CLSTN2: variants seen among roughly 807,000 people sequenced by gnomAD.
CLSTN2 encodes the protein calsyntenin-2.
A neutral mutation model predicts 101.2 loss-of-function variants in CLSTN2; 48 were observed. The observed-to-expected ratio is 0.47, with a 90% CI of 0.38 to 0.60. The LOEUF is 0.60. Among genes scored for constraint, CLSTN2 ranks in the 20% least tolerant of loss-of-function variants. CLSTN2 has a pLI of 0.00. For synonymous variants in CLSTN2, 481 were observed against 463.6 expected (o/e 1.04, Z -0.48); for missense variants, 1,160 against 1,238.2 (o/e 0.94, Z 0.95).
At chr3:140,486,535 C>T (rs73231228) in intron 8 of CLSTN2, among the ~76,000 whole-genome samples, 12,083 of 152,174 alleles carry the variant, frequency 0.079, 636 homozygotes, top group Non-Finnish European at 0.11. Context: ...TGTGATAAGA[C>T]AAAGATGCAT....
chr3:140,134,020 G>A (rs1390656014), intron 1 of CLSTN2, among the ~76,000 whole-genome samples: 1 of 152,150 alleles, frequency 6.6e-6, no homozygotes, highest in Non-Finnish European at 1.5e-5. Flanking sequence ...TTTGGACCTT[G>A]AGAAGTCAGA....
At chr3:140,249,635 T>C (rs1030943715) in intron 2 of CLSTN2, among the ~76,000 whole-genome samples, 1 of 152,214 alleles carries the variant, frequency 6.6e-6, no homozygotes, top group Non-Finnish European at 1.5e-5. Flanking sequence ...ATTTTACAGA[T>C]GAGAAAATGG....
chr3:140,008,009 C>G (rs2006991362), intron 1 of CLSTN2, among the ~76,000 whole-genome samples: 2 of 152,200 alleles, frequency 1.3e-5, no homozygotes, highest in African/African-American at 4.8e-5. Context: ...TAACTGCCAA[C>G]AGTTATTGAG....
rs374247597 is a variant in CLSTN2, at chr3:139,983,095, G to C, written c.109+47612G>C. On this transcript the variant is annotated intron_variant, in intron 1 of 16. Coordinates refer to ENST00000458420, the MANE Select transcript of CLSTN2 (RefSeq NM_022131.3). ...CAACAAATAAAAACGTCAGAGATCA[G>C]CTCTTTCCTATGCAAGGTCTTCCTC... Among the ~76,000 whole-genome samples the C allele has an allele frequency of 4.0e-5, 6 of 151,516 alleles. No homozygotes were observed. In the East Asian group the frequency reaches 7.7e-4, roughly 20 times the overall value.
chr3:140,046,819 C>G (rs2007890932), intron 1 of CLSTN2, among the ~76,000 whole-genome samples: 1 of 152,152 alleles, frequency 6.6e-6, no homozygotes, highest in Non-Finnish European at 1.5e-5. Context: ...GGAGGCATCC[C>G]TGGCTTACCT....
chr3:140,109,319 G>T (rs551954443), intron 1 of CLSTN2, among the ~76,000 whole-genome samples: 1 of 152,120 alleles, frequency 6.6e-6, no homozygotes, highest in Non-Finnish European at 1.5e-5. Context: ...TGGAAGAGCC[G>T]GGAATCTCAG....
In CLSTN2 at chr3:139,935,510, T is replaced by C; in HGVS notation, c.109+27T>C. 1.8e-6 allele frequency: 2 copies of C among 1,133,554 alleles called. No individual in the cohort carries two copies. Among genetic ancestry groups the C allele is most frequent in the Non-Finnish European group, 2.2e-6 (2 of 897,574 alleles). 70.2% of individuals were successfully genotyped at this position (1,133,554 alleles called of 1,614,324 possible). On this transcript the variant is annotated intron_variant, in intron 1 of 16. Coordinates refer to ENST00000458420, the MANE Select transcript of CLSTN2 (RefSeq NM_022131.3). This position sits in a 1 kb window ranked among gnomAD's most constrained non-coding sequence, Gnocchi z 5.5. Reference sequence around the variant, plus strand: ...TGGGTGCTGGGGAAGTTTGCTCTTCTCCCAGGAGGGAGGCAGGGCAGGCTT... The same window carrying C: ...TGGGTGCTGGGGAAGTTTGCTCTTCCCCCAGGAGGGAGGCAGGGCAGGCTT...
intron 5 of CLSTN2, among the ~76,000 whole-genome samples, chr3:140,427,896 C>T (rs541138103): frequency 6.6e-6 from 1 of 152,182 alleles, no homozygotes; most frequent in South Asian, 2.1e-4. Context: ...TTAGTGTTTC[C>T]CTCTTGTCAA....
chr3:140,344,329 C>G (rs755847257), intron 2 of CLSTN2, among the ~76,000 whole-genome samples: 1 of 152,174 alleles, frequency 6.6e-6, no homozygotes, highest in Non-Finnish European at 1.5e-5. Flanking sequence ...ACAGGGCTGA[C>G]TGCACAAGCA....
intron 1 of CLSTN2, among the ~76,000 whole-genome samples, chr3:140,117,044 G>A (rs1018977929): frequency 1.3e-5 from 2 of 152,166 alleles, no homozygotes; most frequent in African/African-American, 2.4e-5. Flanking sequence ...CTGGGAGGGG[G>A]ACAGTTTGCT....
intron 2 of CLSTN2, among the ~76,000 whole-genome samples, chr3:140,302,920 C>T (rs907701449): frequency 6.6e-6 from 1 of 152,136 alleles, no homozygotes; most frequent in Admixed American, 6.5e-5. Context: ...AGTGTGTCAG[C>T]CCCGGAGATG....
chr3:140,263,409 T>G (rs974088374), intron 2 of CLSTN2, among the ~76,000 whole-genome samples: 3 of 152,042 alleles, frequency 2.0e-5, no homozygotes, highest in Non-Finnish European at 4.4e-5. Flanking sequence ...CTGGAAGATG[T>G]GGAAGAGGTT....
intron 2 of CLSTN2, among the ~76,000 whole-genome samples, chr3:140,354,400 T>C (rs1300565408): frequency 6.6e-6 from 1 of 152,200 alleles, no homozygotes. Context: ...TGTCAGTTGG[T>C]GATATCTTTC....
chr3:140,216,185 G>A (rs932287542), intron 2 of CLSTN2, among the ~76,000 whole-genome samples: 2 of 152,182 alleles, frequency 1.3e-5, no homozygotes, highest in Admixed American at 6.5e-5. Context: ...GATCTGAGGT[G>A]GAACTGTTTC....
intron 10 of CLSTN2, among the ~76,000 whole-genome samples, chr3:140,550,836 C>T (rs1194440523): frequency 1.3e-5 from 2 of 150,800 alleles, no homozygotes; most frequent in Non-Finnish European, 2.9e-5. Context: ...CTTTTTATAA[C>T]CAAGCTTGGT....
intron 2 of CLSTN2, among the ~76,000 whole-genome samples, chr3:140,391,451 C>G (rs1051802257): frequency 6.6e-6 from 1 of 152,076 alleles, no homozygotes; most frequent in Non-Finnish European, 1.5e-5. Flanking sequence ...TCATCCACAG[C>G]AGAGGCTGAA....
rs1322489393 is a variant in CLSTN2 at position 140,570,538 on chromosome 3, G to A, written c.*4285G>A. On this transcript the variant is annotated 3_prime_UTR_variant, in exon 17 of 17. Transcript: ENST00000458420. The stretch of plus-strand genomic sequence containing the variant: ...GAACCAATCCCCTACAGATACTGAG[G>A]GATGACTGTACTCAGCTCTCCTATT... 2 of 152,022 alleles carry A rather than the reference G, an allele frequency of 1.3e-5. No homozygotes were observed. The highest frequency in any genetic ancestry group is 4.8e-5 in the African/African-American group (2 of 41,388). The allele number at this position is 152,022 out of a possible 1,614,324, so 9.4% of individuals were successfully genotyped here.
rs137878696 is a variant in CLSTN2, at chr3:140,275,568, G to A, written c.232+99495G>A. On this transcript the variant is annotated intron_variant, in intron 2 of 16. Transcript: ENST00000458420. Reference sequence around the variant, plus strand: ...ATTACAGGCATGAGTCACCCACTCAGCCAGGATTTCTTAATGAATCACATT... The same window carrying A: ...ATTACAGGCATGAGTCACCCACTCAACCAGGATTTCTTAATGAATCACATT... Among the ~76,000 whole-genome samples, 27 of 152,232 alleles carry A rather than the reference G, an allele frequency of 1.8e-4. No individual in the cohort carries two copies. The East Asian group carries it at 5.0e-3, about 28-fold the overall frequency.
At chr3:140,363,217 G>C (rs2087748396) in intron 2 of CLSTN2, among the ~76,000 whole-genome samples, 1 of 152,068 alleles carries the variant, frequency 6.6e-6, no homozygotes, top group African/African-American at 2.4e-5. Flanking sequence ...AATAAAAGAA[G>C]TTAATCACAG....
Sources: gnomAD v4.1 joint callset for allele counts (sites outside exome capture counted in the v4.1 genomes callset) on GRCh38, gnomAD v4.1.1 for gene constraint, Gnocchi (gnomAD v3.1) non-coding constraint, MANE v1.5 for transcripts, NCBI Gene and HGNC (gene_info 2026-07-23, HGNC 2026-07-21) for gene names.